The following PRLR variants were observed in gnomAD, a reference collection of about 807,000 sequenced individuals.
PRLR encodes the protein hPRL receptor.
In PRLR, 13 loss-of-function variants were observed where a neutral mutation model predicts 40.2. That is an observed-to-expected ratio of 0.32 (90% CI 0.21 to 0.51). The LOEUF is 0.51. Among genes scored for constraint, PRLR ranks in the 20% least tolerant of loss-of-function variants. The pLI, the probability that PRLR is intolerant of heterozygous loss-of-function variation, is 0.97. For synonymous variants in PRLR, 269 were observed against 278.7 expected (o/e 0.97, Z 0.35); for missense variants, 656 against 747.3 (o/e 0.88, Z 1.42).
chr5:35,049,338 A>C (rs1341929949), exon 9 of PRLR: 6 of 702,998 alleles, frequency 8.5e-6, no homozygotes, highest in Non-Finnish European at 1.0e-5. Context: ...GTCTTCCTTG[A>C]CTTGAGATTT....
chr5:35,068,707 T>G, intron 8 of PRLR, 72 bp downstream of exon 8: 7 of 1,185,726 alleles, frequency 5.9e-6, no homozygotes, highest in Non-Finnish European at 8.7e-6. Context: ...TTCCATCATC[T>G]TTGTATTTTT....
rs374948105 is a variant in PRLR at position 35,224,747 on chromosome 5, G to A, written c.-106+5521C>T. ...TGGGGGAAAAAAAGGGAGAGAGAGGGTAACATGCAAACCAGTAGAGTACAC... is the reference window on the plus strand; with the variant it reads ...TGGGGGAAAAAAAGGGAGAGAGAGGATAACATGCAAACCAGTAGAGTACAC... On this transcript the variant is annotated intron_variant, in intron 1 of 9. Coordinates refer to ENST00000618457, the MANE Select transcript of PRLR (RefSeq NM_000949.7). Among the ~76,000 whole-genome samples the A allele has an allele frequency of 3.0e-4, 45 of 152,066 alleles. 3 individuals carry two copies. In the South Asian group the frequency reaches 8.9e-3, roughly 30 times the overall value.
At chr5:35,161,054 C>T (rs2111905330) in intron 1 of PRLR, among the ~76,000 whole-genome samples, 2 of 152,306 alleles carry the variant, frequency 1.3e-5, no homozygotes, top group Middle Eastern at 6.8e-3. Flanking sequence ...GGCCATTTAA[C>T]CTGCAAAAGC....
intron 5 of PRLR, among the ~76,000 whole-genome samples, chr5:35,075,018 T>C (rs1769986639): frequency 6.6e-6 from 1 of 152,186 alleles, no homozygotes; most frequent in Non-Finnish European, 1.5e-5. Context: ...TACTTGGCAT[T>C]ATGAGTTACA....
chr5:35,187,861 G>C (rs946370019), intron 1 of PRLR, among the ~76,000 whole-genome samples: 39 of 152,308 alleles, frequency 2.6e-4, no homozygotes, highest in Admixed American at 5.2e-4. Context: ...AAGAGGGAGA[G>C]AGCCCCATTG....
chr5:35,229,021 C>T (rs1303400702), intron 1 of PRLR, among the ~76,000 whole-genome samples: 2 of 151,842 alleles, frequency 1.3e-5, no homozygotes, highest in East Asian at 1.9e-4. Context: ...GACCTATCAC[C>T]CCTAATTTTT....
chr5:35,150,190 T>A (rs920311020), intron 1 of PRLR, among the ~76,000 whole-genome samples: 46 of 152,344 alleles, frequency 3.0e-4, no homozygotes, highest in African/African-American at 1.0e-3. Flanking sequence ...GGCCACTACC[T>A]AGTCTAAAAT....
intron 2 of PRLR, among the ~76,000 whole-genome samples, chr5:35,089,987 T>C (rs1771101677): frequency 6.6e-6 from 1 of 152,158 alleles, no homozygotes. Context: ...CCTAACAATA[T>C]ATCATCCATC....
At chr5:35,148,849 C>G (rs932640851) in intron 1 of PRLR, among the ~76,000 whole-genome samples, 2 of 151,918 alleles carry the variant, frequency 1.3e-5, no homozygotes, top group African/African-American at 4.8e-5. Context: ...ATTACTTGTA[C>G]TTAAGTATAA....
intron 2 of PRLR, among the ~76,000 whole-genome samples, chr5:35,114,179 A>T (rs1485291424): frequency 1.3e-5 from 2 of 152,158 alleles, no homozygotes; most frequent in Non-Finnish European, 2.9e-5. Context: ...AGGGACTTGG[A>T]CAGGTACCAA....
chr5:35,086,542 C>T (rs1207685863), intron 3 of PRLR, among the ~76,000 whole-genome samples: 1 of 150,930 alleles, frequency 6.6e-6, no homozygotes. Flanking sequence ...TGGCATTGCT[C>T]TTAGAGAGCA....
intron 4 of PRLR, among the ~76,000 whole-genome samples, chr5:35,085,152 G>C (rs1243777640): frequency 6.6e-6 from 1 of 152,220 alleles, no homozygotes. Context: ...CAGCAATAAA[G>C]TGAAGTGACG....
intron 1 of PRLR, among the ~76,000 whole-genome samples, chr5:35,227,888 G>A (rs1432232888): frequency 6.6e-6 from 1 of 152,138 alleles, no homozygotes; most frequent in Non-Finnish European, 1.5e-5. Flanking sequence ...TCAAGATTAT[G>A]GGTCAAAAGA....
intron 1 of PRLR, among the ~76,000 whole-genome samples, chr5:35,163,241 G>A (rs905040005): frequency 1.9e-4 from 29 of 152,190 alleles, no homozygotes; most frequent in South Asian, 4.2e-4. Context: ...TCTCCCCCTC[G>A]AAATCGTCTG....
rs866708795 is a variant in PRLR at position 35,199,282 on chromosome 5, C to T, written c.-106+30986G>A. On this transcript the variant is annotated intron_variant, in intron 1 of 9. Transcript: ENST00000618457. ...GTTCTTTTCTCCCCCTGAGCCAGGCCGTGTAATGCTGTGGACATTTTCAGT... is the reference window on the plus strand; with the variant it reads ...GTTCTTTTCTCCCCCTGAGCCAGGCTGTGTAATGCTGTGGACATTTTCAGT... Among the ~76,000 whole-genome samples the T allele has an allele frequency of 5.9e-5, 9 of 152,200 alleles. No individual in the cohort carries two copies. In the South Asian group the frequency reaches 1.0e-3, roughly 18 times the overall value.
chr5:35,216,763 G>C (rs1776297628), intron 1 of PRLR, among the ~76,000 whole-genome samples: 1 of 152,230 alleles, frequency 6.6e-6, no homozygotes, highest in African/African-American at 2.4e-5. Flanking sequence ...TTAACCATCT[G>C]TTATCTGTGA....
intron 1 of PRLR, among the ~76,000 whole-genome samples, chr5:35,219,285 G>A (rs978487186): frequency 1.3e-5 from 2 of 152,276 alleles, no homozygotes; most frequent in Non-Finnish European, 1.5e-5. Context: ...ACCCAGAGCT[G>A]TACAGATGGA....
chr5:35,086,170 T>C (rs1770836935), intron 4 of PRLR, 38 bp downstream of exon 4: 4 of 1,610,850 alleles, frequency 2.5e-6, no homozygotes, highest in East Asian at 4.5e-5. Flanking sequence ...ATGGGAGTAC[T>C]CATGTGGGGT....
At chr5:35,164,336 A>G (rs1774760284) in intron 1 of PRLR, among the ~76,000 whole-genome samples, 1 of 152,196 alleles carries the variant, frequency 6.6e-6, no homozygotes, top group African/African-American at 2.4e-5. Flanking sequence ...AGTTCCAATA[A>G]TACCCAACAA....
Sources: allele counts gnomAD v4.1 joint callset (sites outside exome capture counted in the v4.1 genomes callset), GRCh38; gene constraint gnomAD v4.1.1; transcripts MANE v1.5; gene names NCBI Gene and HGNC (gene_info 2026-07-23, HGNC 2026-07-21).